The following ELL3 variants were observed in gnomAD, a reference collection of about 807,000 sequenced individuals.
ELL3 encodes the protein RNA polymerase II elongation factor ELL3.
In ELL3, 48 loss-of-function variants were observed where a neutral mutation model predicts 58.5. The ratio of observed to expected loss-of-function variants is 0.82; its 90% CI spans 0.65 to 1.04. The LOEUF (loss-of-function observed/expected upper bound fraction) is 1.04, where lower values mean the gene tolerates loss of function less well. ELL3 is among the 50% of genes least tolerant of loss of function. ELL3 has a pLI of 0.00. For synonymous variants in ELL3, 174 were observed against 173.2 expected, an observed-to-expected ratio of 1.00 and a Z score of -0.04; for missense variants, 458 against 478.4, an observed-to-expected ratio of 0.96 and a Z score of 0.40.
chr15:43,774,586 A>G lies in ELL3; in HGVS notation c.823+10T>C. Reference sequence around the variant, plus strand: ...CCACTGGCATTTTTACCCTCCTCTCATTAACTCACCTTCTTGAACTGAGGA... The same window carrying G: ...CCACTGGCATTTTTACCCTCCTCTCGTTAACTCACCTTCTTGAACTGAGGA... On this transcript the variant is annotated intron_variant, in intron 7 of 10. Transcript: ENST00000319359. The G allele has an allele frequency of 6.2e-7, 1 of 1,613,938 alleles. No individual in the cohort carries two copies. The highest frequency in any genetic ancestry group is 1.1e-5 in the South Asian group (1 of 91,028).
chr15:43,775,464 G>A (rs2086907808), intron 5 of ELL3, 61 bp downstream of exon 5: 1 of 1,609,262 alleles, frequency 6.2e-7, no homozygotes, highest in African/African-American at 1.3e-5. Context: ...TTTAAGAGTG[G>A]AGATTAGAAA....
rs2086893229 is a variant in ELL3, at chr15:43,773,438, C to G, written c.1039-90G>C. On this transcript the variant is annotated intron_variant, in intron 9 of 10. Coordinates refer to ENST00000319359, the MANE Select transcript of ELL3 (RefSeq NM_025165.3). ...GTGGCTCACGCCTGTAATCCCAGCA[C>G]TTTGGGCGGCTGAGGCAGGCAGATA... 5.6e-6 allele frequency: 8 copies of G among 1,418,416 alleles called. No homozygotes were observed. In the South Asian group the frequency reaches 9.5e-5, roughly 17 times the overall value. The allele number at this position is 1,418,416 out of a possible 1,614,324, so 87.9% of individuals were successfully genotyped here. A position where few individuals can be genotyped will look rare whatever the true frequency, so the allele number is the denominator to read the frequency against.
Position 43,776,866 on chromosome 15 carries a change from G to A in ELL3, c.36C>T (p.Leu12=), listed in dbSNP as rs1376372943. The A allele has an allele frequency of 6.2e-7, 1 of 1,611,822 alleles. No homozygotes were observed. The highest frequency in any genetic ancestry group is 1.7e-5 in the Admixed American group (1 of 59,890). Reference sequence around the variant, plus strand: ...GGGCAGCTTGCGTGAAGCAGAGCCGGAGCTGTCCTCTCAGAGGCTCCTGGA... The same window carrying A: ...GGGCAGCTTGCGTGAAGCAGAGCCGAAGCTGTCCTCTCAGAGGCTCCTGGA... ...EELQEPLRGQ[L]RLCFTQAART... The change falls in exon 1 of 11, where the codon CTC becomes CTT. Residue 12 remains leucine, a synonymous_variant. Transcript: ENST00000319359.
chr15:43,773,036 A>G lies in ELL3; in HGVS notation c.*80T>C. 1 of 1,283,378 alleles carries G rather than the reference A, an allele frequency of 7.8e-7. No homozygotes were observed. Among genetic ancestry groups the G allele is most frequent in the East Asian group, 2.3e-5 (1 of 43,106 alleles). 79.5% of individuals were successfully genotyped at this position (1,283,378 alleles called of 1,614,324 possible). On this transcript the variant is annotated 3_prime_UTR_variant, in exon 11 of 11. Transcript: ENST00000319359. ...AGTGGTCAGCATAAGAAAAGCAGATAGTTGCATTCTATTTAGTTTATAGCT... is the reference window on the plus strand; with the variant it reads ...AGTGGTCAGCATAAGAAAAGCAGATGGTTGCATTCTATTTAGTTTATAGCT...
intron 9 of ELL3, 64 bp from the exon 10 acceptor site, chr15:43,773,412 G>T: frequency 6.3e-7 from 1 of 1,579,038 alleles, no homozygotes; most frequent in South Asian, 1.1e-5. Flanking sequence ...GGCCAGGCAT[G>T]GTGGCTCACG....
chr15:43,776,166 A>C lies in ELL3; in HGVS notation c.169-15T>G. On this transcript the variant is annotated splice_polypyrimidine_tract_variant and intron_variant, in intron 2 of 10. Transcript: ENST00000319359. ...AGTCTCAGATACTGGGGGTGGAAGG[A>C]GACGGTAAGCCCCATGAAGTCAGCC... 6.2e-7 allele frequency: 1 copy of C among 1,608,206 alleles called. No homozygotes were observed. Among genetic ancestry groups the C allele is most frequent in the Non-Finnish European group, 8.5e-7 (1 of 1,174,882 alleles).
Position 43,774,789 on chromosome 15 carries a change from T to C in ELL3, c.646-16A>G, listed in dbSNP as rs748030442. ...CTGAACGTTTCTGTTGAGGAAAATA[T>C]CTGTGTGACATAAACAGCCAAGAGC... On this transcript the variant is annotated splice_polypyrimidine_tract_variant and intron_variant, in intron 6 of 10. Coordinates refer to ENST00000319359, the MANE Select transcript of ELL3 (RefSeq NM_025165.3). 4 of 1,583,692 alleles carry C rather than the reference T, an allele frequency of 2.5e-6. No homozygotes were observed. The highest frequency in any genetic ancestry group is 3.4e-6 in the Non-Finnish European group (4 of 1,170,048).
intron 2 of ELL3, 88 bp from the exon 3 acceptor site, chr15:43,776,239 A>C: frequency 7.8e-7 from 1 of 1,283,794 alleles, no homozygotes; most frequent in Non-Finnish European, 1.1e-6. Flanking sequence ...GTCCGTAAGT[A>C]AGACTAAGAC....
In ELL3 at chr15:43,774,481, G is replaced by A; in HGVS notation, c.861C>T (p.Tyr287=). 6.2e-7 allele frequency: 1 copy of A among 1,614,198 alleles called. No homozygotes were observed. Among genetic ancestry groups the A allele is most frequent in the South Asian group, 1.1e-5 (1 of 91,088 alleles). ...GGAAAAAGCAAGGAACTCACAGGAG[G>A]TAGTCTGGTATATCTTCAGGACTTG... The part of the protein sequence containing the change: ...ESPSPEDIPD[Y]LLQYRAIHSA... Residue 287 remains tyrosine (Y), a synonymous_variant, in exon 8 of 11, where the codon TAC becomes TAT. Transcript: ENST00000319359.
At chr15:43,775,968 A>G in intron 3 of ELL3, 45 bp from the exon 4 acceptor site, 1 of 1,611,280 alleles carries the variant, frequency 6.2e-7, no homozygotes, top group Non-Finnish European at 8.5e-7. Flanking sequence ...GAGACCTCTT[A>G]AGCACCTCTC....
In ELL3 at chr15:43,775,797, A is replaced by G; in HGVS notation, c.408T>C (p.His136=). Residue 136 remains histidine, a synonymous_variant, in exon 4 of 11, where the codon CAT becomes CAC. Coordinates refer to ENST00000319359, the MANE Select transcript of ELL3 (RefSeq NM_025165.3). ...QGHNLTEDAR[H]PESWQNTGGY... The stretch of plus-strand genomic sequence containing the variant: ...CTCCTGTGTTCTGCCAACTCTCAGG[A>G]TGTCTGGCATCTTCAGTCAGGTTGT... 1 of 1,614,090 alleles carries G rather than the reference A, an allele frequency of 6.2e-7. No homozygotes were observed. Among genetic ancestry groups the G allele is most frequent in the South Asian group, 1.1e-5 (1 of 91,076 alleles).
At chr15:43,773,484 C>G in intron 9 of ELL3, 136 bp from the exon 10 acceptor site, 1 of 877,960 alleles carries the variant, frequency 1.1e-6, no homozygotes. Flanking sequence ...GAGATCTTGA[C>G]CATCCTGGCT....
chr15:43,774,620 C>G lies in ELL3; in HGVS notation c.799G>C (p.Glu267Gln), dbSNP rs1292474823. The G allele has an allele frequency of 6.2e-7, 1 of 1,614,126 alleles. No homozygotes were observed. Among genetic ancestry groups the G allele is most frequent in the Non-Finnish European group, 8.5e-7 (1 of 1,180,008 alleles). The part of the protein sequence containing the change: ...QEDEDMDPRL[E>Q]HSSSVQEDSE... ...CCTTCTTGAACTGAGGAACTGTGTT[C>G]TAATCTGGGGTCCATGTCCTCATCT... Residue 267 changes from glutamate to glutamine, a missense_variant, in exon 7 of 11, where the codon GAA (glutamate) becomes CAA (glutamine). Physicochemically the swap from Glu to Gln is conservative, Grantham distance 29. Transcript: ENST00000319359.
intron 5 of ELL3, 45 bp downstream of exon 5, chr15:43,775,480 A>G (rs369172951): frequency 1.2e-6 from 2 of 1,611,730 alleles, no homozygotes; most frequent in Non-Finnish European, 1.7e-6. Flanking sequence ...AGAAAGGAAG[A>G]CAATGCCAAA....
rs578034582 is a variant in ELL3, at chr15:43,776,020, G to A, written c.281+19C>T. 21 of 1,613,442 alleles carry A rather than the reference G, an allele frequency of 1.3e-5. No homozygotes were observed. The East Asian group carries it at 4.7e-4, about 36-fold the overall frequency. ...ACTTTCCACAAACCCTTTCTTGCCGGCTACCTGTTCCCCCTCACCTGAGGA... is the reference window on the plus strand; with the variant it reads ...ACTTTCCACAAACCCTTTCTTGCCGACTACCTGTTCCCCCTCACCTGAGGA... On this transcript the variant is annotated intron_variant, in intron 3 of 10. Coordinates refer to ENST00000319359, the MANE Select transcript of ELL3 (RefSeq NM_025165.3).
chr15:43,774,693 T>G lies in ELL3; in HGVS notation c.726A>C (p.Gln242His). Residue 242 changes from glutamine (Q) to histidine (H), a missense_variant, in exon 7 of 11, where the codon CAA (glutamine) becomes CAC (histidine). Transcript: ENST00000319359. ...RTLPLVPSPL[Q>H]GLTNQDLQEG... is the part of the protein sequence containing the mutation. ...CTTGTAAATCCTGATTGGTCAGGCCTTGTAGGGGGCTTGGCACTAAAGGCA... is the reference window on the plus strand; with the variant it reads ...CTTGTAAATCCTGATTGGTCAGGCCGTGTAGGGGGCTTGGCACTAAAGGCA... 6.2e-7 allele frequency: 1 copy of G among 1,614,210 alleles called. No individual in the cohort carries two copies. Among genetic ancestry groups the G allele is most frequent in the Non-Finnish European group, 8.5e-7 (1 of 1,180,036 alleles).
chr15:43,774,635 T>A lies in ELL3; in HGVS notation c.784A>T (p.Met262Leu). ...GEDWEQEDED[M>L]DPRLEHSSSV... Reference sequence around the variant, plus strand: ...GAACTGTGTTCTAATCTGGGGTCCATGTCCTCATCTTCTTGCTCCCAATCT... The same window carrying A: ...GAACTGTGTTCTAATCTGGGGTCCAAGTCCTCATCTTCTTGCTCCCAATCT... Residue 262 changes from methionine (M) to leucine (L), a missense_variant, in exon 7 of 11, where the codon ATG (methionine) becomes TTG (leucine). By Grantham distance (15) the Met-to-Leu change is conservative. Transcript: ENST00000319359. 1.2e-6 allele frequency: 2 copies of A among 1,614,216 alleles called. No individual in the cohort carries two copies. The highest frequency in any genetic ancestry group is 1.7e-6 in the Non-Finnish European group (2 of 1,180,038).
Position 43,776,929 on chromosome 15 carries a change from G to A in ELL3, c.-28C>T, listed in dbSNP as rs375784280. ...CGACGAGTTCGAGTGCAAGCAGCAC[G>A]GGGGCCACAGGCGAGGGCCACCACC... On this transcript the variant is annotated 5_prime_UTR_variant, in exon 1 of 11. Transcript: ENST00000319359. The A allele has an allele frequency of 2.5e-6, 4 of 1,605,604 alleles. No homozygotes were observed. The highest frequency in any genetic ancestry group is 2.5e-6 in the Non-Finnish European group (3 of 1,179,222).
intron 5 of ELL3, 52 bp from the exon 6 acceptor site, chr15:43,775,433 A>C (rs775088692): frequency 5.6e-6 from 9 of 1,607,154 alleles, no homozygotes; most frequent in Non-Finnish European, 6.8e-6. Context: ...AGGAGGTGGA[A>C]CTGGATCTTT....
Sources: allele counts gnomAD v4.1 joint callset, GRCh38; gene constraint gnomAD v4.1.1; transcripts MANE v1.5; gene names NCBI Gene and HGNC (gene_info 2026-07-23, HGNC 2026-07-21).